Variants in PDE7B observed in about 807,000 individuals in gnomAD.
PDE7B encodes phosphodiesterase 7B.
In PDE7B, 29 loss-of-function variants were observed where a neutral mutation model predicts 56.2. The observed-to-expected ratio is 0.52, with a 90% CI of 0.38 to 0.70. The LOEUF (loss-of-function observed/expected upper bound fraction) is 0.70, where lower values mean the gene tolerates loss of function less well. Ranked by LOEUF, PDE7B falls within the 30% of genes least tolerant of loss-of-function variation. The pLI is 0.00. For synonymous variants in PDE7B, 197 were observed against 196.9 expected (o/e 1.00, Z 0.00); for missense variants, 490 against 565.0 (o/e 0.87, Z 1.35).
intron 1 of PDE7B, among the ~76,000 whole-genome samples, chr6:135,862,503 C>T (rs1775169446): frequency 1.3e-5 from 2 of 151,704 alleles, no homozygotes; most frequent in Admixed American, 6.6e-5. Context: ...TTTGTTATGG[C>T]CTTATCAAGG....
At position 135,934,777 on chromosome 6, in the gene PDE7B, T is replaced by TTATTATATATATATTTTAAATATATA. The variant is rs1562444874; in HGVS notation, c.22-12682_22-12657dup. On this transcript the variant is annotated intron_variant, in intron 1 of 12. Coordinates refer to ENST00000308191, the MANE Select transcript of PDE7B (RefSeq NM_018945.4). ...ATATTTTTTAAATATATATATATAT[T>TTATTATATATATATTTTAAATATATA]TATTATATATATATTTTAAATATAT... is the stretch of plus-strand genomic sequence containing the variant. Among the ~76,000 whole-genome samples, 5 of 92,952 alleles carry TTATTATATATATATTTTAAATATATA rather than the reference T, an allele frequency of 5.4e-5. 1 individual carries two copies. The highest frequency in any genetic ancestry group is 3.1e-4 in the South Asian group (1 of 3,202). The allele number at this position is 92,952 out of a possible 152,430, so 61.0% of individuals were successfully genotyped here.
At chr6:136,091,642 CAT>C (rs1407357532) in intron 2 of PDE7B, among the ~76,000 whole-genome samples, 2 of 152,142 alleles carry the variant, frequency 1.3e-5, no homozygotes, top group African/African-American at 2.4e-5. Flanking sequence ...AAAAATCAAA[CAT>C]AGGATAAGCG....
At chr6:136,016,233 C>T (rs1374827639) in intron 2 of PDE7B, among the ~76,000 whole-genome samples, 1 of 152,144 alleles carries the variant, frequency 6.6e-6, no homozygotes, top group African/African-American at 2.4e-5. Context: ...CGAAGCATTG[C>T]TGAGATGATT....
At position 135,934,771 on chromosome 6, in the gene PDE7B, ATATATT is replaced by A. The variant is rs1157873839; in HGVS notation, c.22-12689_22-12684del. On this transcript the variant is annotated intron_variant, in intron 1 of 12. Transcript: ENST00000308191. ...ATATATATATTTTTTAAATATATAT[ATATATT>A]TATTATATATATATTTTAAATATAT... Among the ~76,000 whole-genome samples, 546 of 115,644 alleles carry A rather than the reference ATATATT, an allele frequency of 4.7e-3. 6 individuals carry two copies. The highest frequency in any genetic ancestry group is 0.017 in the African/African-American group (501 of 29,592). The allele number at this position is 115,644 out of a possible 152,430, so 75.9% of individuals were successfully genotyped here. A position where few individuals can be genotyped will look rare whatever the true frequency, so the allele number is the denominator to read the frequency against.
chr6:135,982,770 T>C (rs1366917694), intron 2 of PDE7B, among the ~76,000 whole-genome samples: 1 of 152,180 alleles, frequency 6.6e-6, no homozygotes, highest in Non-Finnish European at 1.5e-5. Flanking sequence ...AGCCATTTTT[T>C]TTCTGTGCCA....
intron 2 of PDE7B, among the ~76,000 whole-genome samples, chr6:135,978,993 G>C (rs924158503): frequency 6.6e-6 from 1 of 151,920 alleles, no homozygotes; most frequent in Non-Finnish European, 1.5e-5. Flanking sequence ...TGCCCATTCA[G>C]TATGATATTG....
chr6:135,997,823 C>T (rs536329577), intron 2 of PDE7B, among the ~76,000 whole-genome samples: 3 of 152,176 alleles, frequency 2.0e-5, no homozygotes, highest in South Asian at 2.1e-4. Context: ...GGATAAGACT[C>T]GAAAGATAAC....
intron 1 of PDE7B, among the ~76,000 whole-genome samples, chr6:135,894,529 CGTTCT>C (rs1775863543): frequency 6.6e-6 from 1 of 151,952 alleles, no homozygotes; most frequent in Admixed American, 6.6e-5. Flanking sequence ...GAAACAAGAG[CGTTCT>C]GTTCTAAGAC....
At chr6:135,859,418 A>G (rs927195333) in intron 1 of PDE7B, among the ~76,000 whole-genome samples, 17 of 152,042 alleles carry the variant, frequency 1.1e-4, no homozygotes, top group Admixed American at 2.6e-4. Flanking sequence ...GTTTTTCTAG[A>G]TCTTCATTAT....
At chr6:135,946,180 T>A (rs1015918633) in intron 1 of PDE7B, among the ~76,000 whole-genome samples, 1 of 151,808 alleles carries the variant, frequency 6.6e-6, no homozygotes, top group Non-Finnish European at 1.5e-5. Flanking sequence ...TATACTTTTA[T>A]GTTTTAAACA....
intron 2 of PDE7B, among the ~76,000 whole-genome samples, chr6:136,061,545 C>T (rs1298653480): frequency 1.3e-5 from 2 of 152,136 alleles, no homozygotes; most frequent in South Asian, 4.1e-4. Context: ...GGCAGTATTG[C>T]CTGCCAAACA....
intron 2 of PDE7B, among the ~76,000 whole-genome samples, chr6:135,979,665 G>A (rs1467811546): frequency 1.3e-5 from 2 of 152,128 alleles, no homozygotes; most frequent in Admixed American, 6.6e-5. Context: ...CAAACAGAGA[G>A]CCAAATCATG....
At chr6:136,155,922 T>C in intron 8 of PDE7B, 164 bp downstream of exon 8, 1 of 788,878 alleles carries the variant, frequency 1.3e-6, no homozygotes, top group Non-Finnish European at 2.2e-6. Context: ...CAAACTCAGA[T>C]GCTCAAAATG....
chr6:135,895,402 G>A (rs1775881280), intron 1 of PDE7B, among the ~76,000 whole-genome samples: 1 of 152,074 alleles, frequency 6.6e-6, no homozygotes, highest in Admixed American at 6.6e-5. Context: ...CCTGGAACGG[G>A]GAGAGAAAGA....
chr6:136,192,204 G>A lies in PDE7B; in HGVS notation c.*364G>A, dbSNP rs1179210187. 3.8e-6 allele frequency: 1 copy of A among 262,006 alleles called. No individual in the cohort carries two copies. The highest frequency in any genetic ancestry group is 2.2e-5 in the African/African-American group (1 of 45,142). 16.2% of individuals were successfully genotyped at this position (262,006 alleles called of 1,614,324 possible). On this transcript the variant is annotated 3_prime_UTR_variant, in exon 13 of 13. Transcript: ENST00000308191. The stretch of plus-strand genomic sequence containing the variant: ...AGCAATTCCTAAGTCCGGAGCGTTT[G>A]AGCGTTTGCTATCTGACTGCTGATC...
intron 4 of PDE7B, 44 bp from the exon 5 acceptor site, chr6:136,149,043 C>T (rs1778467311): frequency 1.5e-6 from 2 of 1,342,328 alleles, no homozygotes; most frequent in African/African-American, 2.9e-5. Flanking sequence ...GTTTGAGTCT[C>T]CAGTGTGATT....
intron 1 of PDE7B, among the ~76,000 whole-genome samples, chr6:135,879,019 T>G (rs1042031159): frequency 6.6e-6 from 1 of 152,134 alleles, no homozygotes; most frequent in African/African-American, 2.4e-5. Flanking sequence ...TTATTGTGAC[T>G]TTTTACCCAT....
chr6:135,944,389 A>G (rs1774557717), intron 1 of PDE7B, among the ~76,000 whole-genome samples: 1 of 152,070 alleles, frequency 6.6e-6, no homozygotes, highest in South Asian at 2.1e-4. Flanking sequence ...AGGAAAAAGC[A>G]CTAGAAAGAA....
intron 5 of PDE7B, 47 bp from the exon 6 acceptor site, chr6:136,151,113 T>A: frequency 2.2e-6 from 2 of 927,152 alleles, no homozygotes; most frequent in South Asian, 1.3e-5. Flanking sequence ...TCTTGATATT[T>A]TAGTGGTGAT....
Sources: gnomAD v4.1 joint callset for allele counts (sites outside exome capture counted in the v4.1 genomes callset) on GRCh38, gnomAD v4.1.1 for gene constraint, MANE v1.5 for transcripts, NCBI Gene and HGNC (gene_info 2026-07-23, HGNC 2026-07-21) for gene names.